The following SOX6 variants were observed in gnomAD, a reference collection of about 807,000 sequenced individuals.
SOX6 encodes the protein transcription factor SOX-6.
In SOX6, 11 loss-of-function variants were observed where a neutral mutation model predicts 97.8. That is an observed-to-expected ratio of 0.11 (90% CI 0.07 to 0.19). The LOEUF (loss-of-function observed/expected upper bound fraction) is 0.19, where lower values mean the gene tolerates loss of function less well. SOX6 is among the 10% of genes least tolerant of loss of function. The pLI is 1.00. For missense variants in SOX6, 810 were observed against 1,039.5 expected, an observed-to-expected ratio of 0.78 and a Z score of 3.04; for synonymous variants, 360 against 371.4, an observed-to-expected ratio of 0.97 and a Z score of 0.35.
intron 1 of SOX6, among the ~76,000 whole-genome samples, chr11:16,386,886 A>T (rs897877897): frequency 1.3e-5 from 2 of 152,158 alleles, no homozygotes; most frequent in African/African-American, 2.4e-5. Flanking sequence ...TCACCACTGT[A>T]TTCCTGGCCC....
chr11:16,430,688 C>G (rs1859256265), intron 1 of SOX6, among the ~76,000 whole-genome samples: 1 of 152,168 alleles, frequency 6.6e-6, no homozygotes, highest in African/African-American at 2.4e-5. Flanking sequence ...GCCTCCAGAA[C>G]TGTGAAAAAT....
chr11:16,302,270 C>T (rs1855280810), intron 3 of SOX6, among the ~76,000 whole-genome samples: 1 of 152,182 alleles, frequency 6.6e-6, no homozygotes, highest in East Asian at 1.9e-4. Flanking sequence ...CAACTGCTCC[C>T]CACTACCCAA....
intron 1 of SOX6, among the ~76,000 whole-genome samples, chr11:16,406,823 T>C (rs572841087): frequency 6.6e-6 from 1 of 152,266 alleles, no homozygotes; most frequent in African/African-American, 2.4e-5. Flanking sequence ...CAGAAGCTTC[T>C]GTTTTGTTCC....
At chr11:16,296,737 A>G (rs1855102877) in intron 3 of SOX6, among the ~76,000 whole-genome samples, 1 of 152,166 alleles carries the variant, frequency 6.6e-6, no homozygotes, top group Non-Finnish European at 1.5e-5. Context: ...TGAAAATGGT[A>G]GGAAATGCCC....
rs182710269 is a variant in SOX6 at position 16,664,770 on chromosome 11, A to G, written n.429+50060T>C. 5.3e-5 allele frequency among the ~76,000 whole-genome samples: 8 copies of G among 152,120 alleles called. No homozygotes were observed. In the East Asian group the frequency reaches 1.2e-3, roughly 22 times the overall value. On this transcript the variant is annotated intron_variant and non_coding_transcript_variant, in intron 3 of 5. Coordinates refer to the SOX6 transcript ENST00000524520. Reference sequence around the variant, plus strand: ...GCCTCAACCACAGGCAGTGCAGCCCACAGGTCCAGGAAAGACTACTTCCTT... The same window carrying G: ...GCCTCAACCACAGGCAGTGCAGCCCGCAGGTCCAGGAAAGACTACTTCCTT...
At chr11:16,004,954 C>T (rs919808415) in intron 13 of SOX6, among the ~76,000 whole-genome samples, 4 of 152,004 alleles carry the variant, frequency 2.6e-5, no homozygotes, top group African/African-American at 9.7e-5. Context: ...AATAAATGGG[C>T]ATACATGTAA....
At chr11:16,649,065 G>A (rs557658386) in intron 3 of SOX6, among the ~76,000 whole-genome samples, 2 of 151,062 alleles carry the variant, frequency 1.3e-5, no homozygotes, top group Admixed American at 1.3e-4. Flanking sequence ...ATCAGACGGA[G>A]ACAAAGAAAA....
At chr11:16,018,635 T>C (rs1397836941) in intron 12 of SOX6, among the ~76,000 whole-genome samples, 3 of 152,162 alleles carry the variant, frequency 2.0e-5, no homozygotes, top group Non-Finnish European at 2.9e-5. Flanking sequence ...ACTTATTGGC[T>C]ATTCCATAAT....
chr11:16,483,504 T>C (rs1860380550), intron 4 of SOX6, among the ~76,000 whole-genome samples: 1 of 152,116 alleles, frequency 6.6e-6, no homozygotes, highest in African/African-American at 2.4e-5. Context: ...GTATTCAGGT[T>C]GTACTTTCCC....
chr11:16,640,498 C>T (rs1448335169), intron 3 of SOX6, among the ~76,000 whole-genome samples: 1 of 152,120 alleles, frequency 6.6e-6, no homozygotes, highest in Non-Finnish European at 1.5e-5. Flanking sequence ...CCAGCTCCTC[C>T]TTGTACCTCT....
chr11:16,557,574 CTTTTG>C (rs1162534649), intron 4 of SOX6, among the ~76,000 whole-genome samples: 1 of 151,826 alleles, frequency 6.6e-6, no homozygotes, highest in African/African-American at 2.4e-5. Context: ...TTCCATGACT[CTTTTG>C]TTTACCATTC....
At chr11:16,298,540 T>TA (rs931344724) in intron 3 of SOX6, among the ~76,000 whole-genome samples, 1 of 151,764 alleles carries the variant, frequency 6.6e-6, no homozygotes, top group East Asian at 1.9e-4. Context: ...CCCAAAGAAA[T>TA]AAAAAAGAAA....
chr11:16,055,939 T>C (rs1191218049), intron 9 of SOX6, 38 bp from the exon 10 acceptor site: 1 of 1,610,442 alleles, frequency 6.2e-7, no homozygotes, highest in African/African-American at 1.3e-5. Context: ...TCTCTTTAAA[T>C]GCAGCTGAAA....
At chr11:16,667,179 G>A (rs943236884) in intron 3 of SOX6, among the ~76,000 whole-genome samples, 1 of 151,978 alleles carries the variant, frequency 6.6e-6, no homozygotes, top group Non-Finnish European at 1.5e-5. Flanking sequence ...GATGAAGTTT[G>A]CAGTGAACCG....
At chr11:16,478,670 A>G (rs1172689337), upstream of SOX6, among the ~76,000 whole-genome samples, 1 of 152,240 alleles carries the variant, frequency 6.6e-6, no homozygotes, top group East Asian at 1.9e-4. Context: ...AAATGACTTT[A>G]ATGCATAGTT....
At chr11:16,393,805 T>C (rs1025118680) in intron 1 of SOX6, among the ~76,000 whole-genome samples, 1 of 152,060 alleles carries the variant, frequency 6.6e-6, no homozygotes, top group Non-Finnish European at 1.5e-5. Flanking sequence ...TTTGCATCTT[T>C]AGAAAATTGG....
chr11:16,106,683 G>A (rs1849096323), intron 7 of SOX6, among the ~76,000 whole-genome samples: 1 of 151,956 alleles, frequency 6.6e-6, no homozygotes, highest in South Asian at 2.1e-4. Context: ...ATTGGATTTG[G>A]CAATGATTTC....
intron 4 of SOX6, among the ~76,000 whole-genome samples, chr11:16,594,375 T>C (rs1175657385): frequency 6.6e-6 from 1 of 152,188 alleles, no homozygotes; most frequent in East Asian, 1.9e-4. Flanking sequence ...CTGTTATCTG[T>C]AAACATTTAA....
intron 4 of SOX6, among the ~76,000 whole-genome samples, chr11:16,198,464 T>C (rs1851851243): frequency 6.6e-6 from 1 of 152,056 alleles, no homozygotes; most frequent in South Asian, 2.1e-4. Context: ...ATGCTCATGG[T>C]TTTTCAACTT....
Sources: allele counts gnomAD v4.1 joint callset (sites outside exome capture counted in the v4.1 genomes callset), GRCh38; gene constraint gnomAD v4.1.1; transcripts MANE v1.5; gene names NCBI Gene and HGNC (gene_info 2026-07-23, HGNC 2026-07-21).